EYS: variants seen among roughly 807,000 people sequenced by gnomAD.
The protein encoded by EYS is EGF-like photoreceptor maintenance factor.
A neutral mutation model predicts 282.1 loss-of-function variants in EYS; 250 were observed. That is an observed-to-expected ratio of 0.89 (90% CI 0.80 to 0.98). EYS has a LOEUF of 0.98. Ranked by LOEUF, EYS falls within the 50% of genes least tolerant of loss-of-function variation. The probability of loss-of-function intolerance (pLI) is 0.00; values close to 1 mark genes in which losing one functional copy is unlikely to be tolerated. For synonymous variants in EYS, 1,355 were observed against 1,282.9 expected, an observed-to-expected ratio of 1.06 and a Z score of -1.20; for missense variants, 4,016 against 3,709.0, an observed-to-expected ratio of 1.08 and a Z score of -2.15.
chr6:64,981,401 C>T (rs1265183265), intron 14 of EYS, among the ~76,000 whole-genome samples: 1 of 151,150 alleles, frequency 6.6e-6, no homozygotes, highest in South Asian at 2.1e-4. Context: ...TGCCTCTATG[C>T]CTTCTTTCTG....
chr6:63,996,120 T>G (rs1324623220), intron 34 of EYS, among the ~76,000 whole-genome samples: 1 of 151,952 alleles, frequency 6.6e-6, no homozygotes, highest in African/African-American at 2.4e-5. Context: ...ACGATATATG[T>G]GTAGATATTA....
intron 5 of EYS, among the ~76,000 whole-genome samples, chr6:65,406,943 G>T (rs1321078280): frequency 1.3e-5 from 2 of 151,856 alleles, no homozygotes; most frequent in Non-Finnish European, 2.9e-5. Context: ...GCTATGCTAT[G>T]GATTCTTTTT....
intron 35 of EYS, among the ~76,000 whole-genome samples, chr6:63,905,523 G>A (rs996417628): frequency 1.3e-5 from 2 of 151,770 alleles, no homozygotes; most frequent in African/African-American, 4.8e-5. Flanking sequence ...GTAGAGATGG[G>A]GTTTCACCAT....
intron 36 of EYS, among the ~76,000 whole-genome samples, chr6:63,826,052 A>C (rs1249308889): frequency 6.6e-6 from 1 of 152,218 alleles, no homozygotes; most frequent in Non-Finnish European, 1.5e-5. Context: ...AAGCAAAAAC[A>C]ATAGAAAAAA....
chr6:65,148,257 A>T (rs1764526654), intron 12 of EYS, among the ~76,000 whole-genome samples: 1 of 152,160 alleles, frequency 6.6e-6, no homozygotes, highest in Non-Finnish European at 1.5e-5. Flanking sequence ...TGTAAAATCA[A>T]ATGCAAGTTA....
intron 12 of EYS, among the ~76,000 whole-genome samples, chr6:65,175,999 T>C (rs918427636): frequency 3.3e-5 from 5 of 151,566 alleles, no homozygotes; most frequent in Non-Finnish European, 7.4e-5. Context: ...TTTTGATATA[T>C]GTAATACATT....
intron 15 of EYS, among the ~76,000 whole-genome samples, chr6:64,917,106 A>T (rs546670342): frequency 6.6e-6 from 1 of 152,282 alleles, no homozygotes; most frequent in Admixed American, 6.5e-5. Flanking sequence ...AAAATTACCC[A>T]GGCGTGGCAG....
chr6:65,368,078 G>A (rs556958371), intron 8 of EYS, among the ~76,000 whole-genome samples: 19 of 151,584 alleles, frequency 1.3e-4, no homozygotes, highest in African/African-American at 4.6e-4. Flanking sequence ...CATGGCAGCA[G>A]GAAGGAGAAG....
rs1491310729 is a variant in EYS, at chr6:65,475,754, CAG to C, written c.862+14838_862+14839del. On this transcript the variant is annotated intron_variant, in intron 5 of 42. Coordinates refer to ENST00000503581, the MANE Select transcript of EYS (RefSeq NM_001142800.2). ...ACCCCCTGACAGACAGACAGACAGA[CAG>C]ACACACACACACACACACACACAGA... Among the ~76,000 whole-genome samples, 981 of 142,972 alleles carry C rather than the reference CAG, an allele frequency of 6.9e-3. 11 individuals are homozygous for C. Among genetic ancestry groups the C allele is most frequent in the African/African-American group, 0.023 (919 of 40,538 alleles). The allele number at this position is 142,972 out of a possible 152,430, so 93.8% of individuals were successfully genotyped here. A position where few individuals can be genotyped will look rare whatever the true frequency, so the allele number is the denominator to read the frequency against.
chr6:65,362,283 A>G (rs1305477675), intron 8 of EYS, among the ~76,000 whole-genome samples: 2 of 152,126 alleles, frequency 1.3e-5, no homozygotes. Context: ...AAATTGTCCC[A>G]GTTCTCTTAG....
chr6:64,789,297 C>G (rs1353700091), intron 22 of EYS, among the ~76,000 whole-genome samples: 1 of 152,182 alleles, frequency 6.6e-6, no homozygotes, highest in Non-Finnish European at 1.5e-5. Flanking sequence ...GACCCTGATT[C>G]TCAGCCATCT....
At chr6:64,981,783 T>A (rs1390277393) in intron 14 of EYS, among the ~76,000 whole-genome samples, 1 of 151,280 alleles carries the variant, frequency 6.6e-6, no homozygotes, top group Non-Finnish European at 1.5e-5. Flanking sequence ...TCTCAAGAGG[T>A]TTCCTCCTTG....
chr6:64,000,048 C>A (rs866594182), intron 33 of EYS, among the ~76,000 whole-genome samples: 13 of 151,398 alleles, frequency 8.6e-5, no homozygotes, highest in African/African-American at 2.9e-4. Context: ...GATTTCATTT[C>A]TCATTTTTGC....
intron 26 of EYS, among the ~76,000 whole-genome samples, chr6:64,519,656 T>C (rs1277662089): frequency 6.6e-6 from 1 of 151,796 alleles, no homozygotes; most frequent in Non-Finnish European, 1.5e-5. Context: ...TTGTGCCCCT[T>C]GTCCACCCAC....
rs531499255 is a variant in EYS at position 65,567,218 on chromosome 6, T to G, written c.-332-71225A>C. Among the ~76,000 whole-genome samples the G allele has an allele frequency of 1.6e-3, 241 of 151,292 alleles. 1 individual carries two copies. Among genetic ancestry groups the G allele is most frequent in the Middle Eastern group, 6.9e-3 (2 of 288 alleles). ...CACTTCAACCTGGGAATGCCCACTCTTCAGAACTGTCAGAAATATATATGT... is the reference window on the plus strand; with the variant it reads ...CACTTCAACCTGGGAATGCCCACTCGTCAGAACTGTCAGAAATATATATGT... On this transcript the variant is annotated intron_variant, in intron 2 of 42. Transcript: ENST00000503581.
chr6:64,331,244 G>A (rs758952210), intron 29 of EYS, among the ~76,000 whole-genome samples: 3 of 152,042 alleles, frequency 2.0e-5, no homozygotes, highest in Admixed American at 6.6e-5. Flanking sequence ...CAAGGAAAGA[G>A]GATTATTAAC....
intron 2 of EYS, among the ~76,000 whole-genome samples, chr6:65,542,542 C>T (rs1056213169): frequency 6.6e-6 from 1 of 151,350 alleles, no homozygotes; most frequent in Non-Finnish European, 1.5e-5. Flanking sequence ...TATGTGTCAA[C>T]ACCAATCATA....
At chr6:64,603,818 T>C (rs531659513) in intron 24 of EYS, among the ~76,000 whole-genome samples, 10 of 150,754 alleles carry the variant, frequency 6.6e-5, no homozygotes, top group Non-Finnish European at 1.0e-4. Context: ...ACATGAATTA[T>C]CCCTCTGCTT....
At position 64,002,812 on chromosome 6, in the gene EYS, A is replaced by G. The variant is rs186543696; in HGVS notation, c.6726-3629T>C. Reference sequence around the variant, plus strand: ...CTTTCCCTCCCAAAGAGCTGGGATTATAGGCATGAGCCTCTGCGCCTGGCC... The same window carrying G: ...CTTTCCCTCCCAAAGAGCTGGGATTGTAGGCATGAGCCTCTGCGCCTGGCC... On this transcript the variant is annotated intron_variant, in intron 33 of 42. Transcript: ENST00000503581. Among the ~76,000 whole-genome samples the G allele has an allele frequency of 3.3e-5, 5 of 152,332 alleles. No individual in the cohort carries two copies. The East Asian group carries it at 9.6e-4, about 29-fold the overall frequency.
Sources: gnomAD v4.1 joint callset for allele counts (sites outside exome capture counted in the v4.1 genomes callset) on GRCh38, gnomAD v4.1.1 for gene constraint, MANE v1.5 for transcripts, NCBI Gene and HGNC (gene_info 2026-07-23, HGNC 2026-07-21) for gene names.